Variants in BTNL8 observed in about 807,000 individuals in gnomAD.
BTNL8 encodes the protein butyrophilin like 8, also known as butyrophilin-like protein 8.
A neutral mutation model predicts 36.1 loss-of-function variants in BTNL8; 22 were observed. The observed-to-expected ratio is 0.61, with a 90% CI of 0.44 to 0.87. BTNL8 has a LOEUF of 0.87. Among genes scored for constraint, BTNL8 ranks in the 40% least tolerant of loss-of-function variants. The probability of loss-of-function intolerance (pLI) is 0.00; values close to 1 mark genes in which losing one functional copy is unlikely to be tolerated. For synonymous variants in BTNL8, 203 were observed against 235.6 expected (o/e 0.86, Z 1.27); for missense variants, 526 against 616.9 (o/e 0.85, Z 1.56).
At chr5:180,906,040 G>A (rs1167545240) in intron 1 of BTNL8, among the ~76,000 whole-genome samples, 11 of 144,086 alleles carry the variant, frequency 7.6e-5, no homozygotes, top group South Asian at 2.1e-4. Context: ...TATTAGGTCC[G>A]CTTGGTGCAG....
chr5:180,947,236 GA>G (rs1394650255), intron 3 of BTNL8, among the ~76,000 whole-genome samples: 1 of 152,202 alleles, frequency 6.6e-6, no homozygotes, highest in African/African-American at 2.4e-5. Flanking sequence ...AACCTAAACA[GA>G]AAGCTTATTG....
At chr5:180,918,561 A>G (rs1757743325) in intron 3 of BTNL8, among the ~76,000 whole-genome samples, 1 of 152,192 alleles carries the variant, frequency 6.6e-6, no homozygotes, top group Non-Finnish European at 1.5e-5. Context: ...ACTCTATAAA[A>G]CATTTAAAGA....
intron 1 of BTNL8, among the ~76,000 whole-genome samples, chr5:180,907,215 C>T (rs1262906262): frequency 8.2e-6 from 1 of 121,806 alleles, no homozygotes; most frequent in Non-Finnish European, 1.6e-5. Context: ...GGAGGCTTTG[C>T]TCATTTCTTT....
intron 3 of BTNL8, among the ~76,000 whole-genome samples, chr5:180,942,274 G>T (rs1266248651): frequency 6.6e-6 from 1 of 152,058 alleles, no homozygotes. Context: ...ACAAAACATT[G>T]ATGAAAAGAA....
In BTNL8 at chr5:180,949,430, GAC is replaced by G. The variant is rs1240341012; in HGVS notation, c.862+170_862+171del. 2.8e-6 allele frequency: 3 copies of G among 1,071,924 alleles called. 1 individual carries two copies. Among genetic ancestry groups the G allele is most frequent in the African/African-American group, 1.5e-5 (1 of 65,118 alleles). 66.4% of individuals were successfully genotyped at this position (1,071,924 alleles called of 1,614,324 possible). On this transcript the variant is annotated intron_variant, in intron 7 of 7. Transcript: ENST00000340184. ...CGCCCCCAAGGGTTCAGTGCCCCCA[GAC>G]ACACTTCTTTCCCTTGGTCTAGAAG... is the stretch of plus-strand genomic sequence containing the variant.
intron 2 of BTNL8, 59 bp from the exon 3 acceptor site, chr5:180,911,280 A>G: frequency 6.3e-7 from 1 of 1,589,430 alleles, no homozygotes; most frequent in South Asian, 1.2e-5. Context: ...CCTGACTCAG[A>G]ATTGCTGTGG....
At chr5:180,940,886 T>C (rs1448163758) in intron 3 of BTNL8, among the ~76,000 whole-genome samples, 5 of 151,978 alleles carry the variant, frequency 3.3e-5, no homozygotes, top group Non-Finnish European at 7.4e-5. Flanking sequence ...GCCAACATGG[T>C]GGTGAAACCC....
At position 180,908,572 on chromosome 5, in the gene BTNL8, A is replaced by G; in HGVS notation, c.50-14A>G. The G allele has an allele frequency of 1.2e-6, 2 of 1,610,782 alleles. No individual in the cohort carries two copies. The highest frequency in any genetic ancestry group is 1.1e-5 in the South Asian group (1 of 90,944). On this transcript the variant is annotated splice_polypyrimidine_tract_variant and intron_variant, in intron 1 of 7. Transcript: ENST00000340184. ...AGGGTTTTGATGATTTATCTTTTGT[A>G]TGTCTTCCCACAGGGCAGTGGCAGG...
chr5:180,938,970 G>C (rs546571422), intron 3 of BTNL8, among the ~76,000 whole-genome samples: 1 of 152,252 alleles, frequency 6.6e-6, no homozygotes, highest in South Asian at 2.1e-4. Context: ...GGAGTCCTAT[G>C]TCTGGAAGGG....
intron 3 of BTNL8, among the ~76,000 whole-genome samples, chr5:180,922,958 T>G (rs1295215771): frequency 6.6e-6 from 1 of 152,186 alleles, no homozygotes; most frequent in Non-Finnish European, 1.5e-5. Context: ...CTTTGTCTTT[T>G]TGATTATTGT....
chr5:180,921,177 C>T (rs778042485), intron 3 of BTNL8, among the ~76,000 whole-genome samples: 7 of 152,114 alleles, frequency 4.6e-5, no homozygotes, highest in African/African-American at 1.4e-4. Flanking sequence ...ATCCTGCTTC[C>T]GTGCATTTAT....
chr5:180,932,385 C>A (rs189698367), intron 3 of BTNL8, among the ~76,000 whole-genome samples: 2 of 152,158 alleles, frequency 1.3e-5, no homozygotes, highest in South Asian at 2.1e-4. Flanking sequence ...CTTGCTCTGT[C>A]GCCCAGGCTG....
Position 180,929,373 on chromosome 5 carries a change from A to T in BTNL8, c.673+17759A>T, listed in dbSNP as rs1332527563. 2.0e-5 allele frequency among the ~76,000 whole-genome samples: 3 copies of T among 152,308 alleles called. No homozygotes were observed. In the East Asian group the frequency reaches 5.8e-4, roughly 29 times the overall value. ...ACAGGAGAAAGCAGGAAAGATCTAA[A>T]ATCGACACCCTAACATCACAAATAA... On this transcript the variant is annotated intron_variant, in intron 3 of 7. Coordinates refer to ENST00000340184, the MANE Select transcript of BTNL8 (RefSeq NM_001040462.3).
chr5:180,949,668 G>T, intron 7 of BTNL8: 1 of 576,270 alleles, frequency 1.7e-6, no homozygotes, highest in Non-Finnish European at 3.0e-6. Context: ...CAGTGGCAGG[G>T]TTGGGTGATA....
rs1181107305 is a variant in BTNL8, at chr5:180,935,044, T to C, written c.674-12468T>C. Among the ~76,000 whole-genome samples the C allele has an allele frequency of 6.6e-6, 1 of 152,118 alleles. No homozygotes were observed. ...CAGGCAGGTCATCCCAACAAGTGGG[T>C]AGCTCCTTCCTGCTTCTCACTTCAT... On this transcript the variant is annotated intron_variant, in intron 3 of 7. Transcript: ENST00000340184. This position sits in a 1 kb window ranked among gnomAD's most constrained non-coding sequence, Gnocchi z 4.8.
intron 3 of BTNL8, among the ~76,000 whole-genome samples, chr5:180,941,942 C>T (rs1582060280): frequency 8.6e-6 from 1 of 115,672 alleles, no homozygotes; most frequent in African/African-American, 3.3e-5. Flanking sequence ...AAGTCCTAGC[C>T]GGAGCAATCA....
At chr5:180,932,213 G>A (rs550681306) in intron 3 of BTNL8, among the ~76,000 whole-genome samples, 1 of 152,164 alleles carries the variant, frequency 6.6e-6, no homozygotes, top group Non-Finnish European at 1.5e-5. Context: ...GTCAGGGTGT[G>A]GGGGGCTAAG....
chr5:180,906,414 G>T, intron 1 of BTNL8, among the ~76,000 whole-genome samples: 1 of 120,794 alleles, frequency 8.3e-6, no homozygotes, highest in African/African-American at 4.2e-5. Context: ...GCCTATGTGT[G>T]CCTCTGCACG....
At chr5:180,930,178 C>T (rs911326240) in intron 3 of BTNL8, among the ~76,000 whole-genome samples, 7 of 152,146 alleles carry the variant, frequency 4.6e-5, no homozygotes, top group Non-Finnish European at 8.8e-5. Flanking sequence ...AATTAATAAA[C>T]GTAATCCATC....
Sources: allele counts gnomAD v4.1 joint callset (sites outside exome capture counted in the v4.1 genomes callset), GRCh38; gene constraint gnomAD v4.1.1; non-coding constraint Gnocchi (gnomAD v3.1); transcripts MANE v1.5; gene names NCBI Gene and HGNC (gene_info 2026-07-23, HGNC 2026-07-21).